FGF18: variants seen among roughly 807,000 people sequenced by gnomAD.
The protein encoded by FGF18 is fibroblast growth factor 18.
A neutral mutation model predicts 23.0 loss-of-function variants in FGF18; 5 were observed. The observed-to-expected ratio is 0.22, with a 90% CI of 0.11 to 0.46. The LOEUF (loss-of-function observed/expected upper bound fraction) is 0.46, where lower values mean the gene tolerates loss of function less well. FGF18 is among the 20% of genes least tolerant of loss of function. FGF18 has a pLI of 0.99. For synonymous variants in FGF18, 117 were observed against 118.9 expected, an observed-to-expected ratio of 0.98 and a Z score of 0.10; for missense variants, 180 against 291.6, an observed-to-expected ratio of 0.62 and a Z score of 2.79.
chr5:171,441,223 A>G (rs760789702), intron 3 of FGF18, among the ~76,000 whole-genome samples: 5 of 152,116 alleles, frequency 3.3e-5, no homozygotes, highest in African/African-American at 4.8e-5. Flanking sequence ...AGGGACCCCT[A>G]GTCTCAGAGT....
At chr5:171,445,296 C>T (rs905351141) in intron 3 of FGF18, among the ~76,000 whole-genome samples, 1 of 152,068 alleles carries the variant, frequency 6.6e-6, no homozygotes, top group Non-Finnish European at 1.5e-5. Context: ...ACATGTTCTT[C>T]TATGTGGGTT....
chr5:171,430,712 C>T (rs1345434832), intron 2 of FGF18, among the ~76,000 whole-genome samples: 1 of 138,412 alleles, frequency 7.2e-6, no homozygotes, highest in African/African-American at 3.1e-5. Flanking sequence ...GGCGTGAACC[C>T]GGGAAGCGGA....
chr5:171,433,223 G>A (rs1016987822), intron 2 of FGF18, among the ~76,000 whole-genome samples: 4 of 152,202 alleles, frequency 2.6e-5, no homozygotes, highest in Non-Finnish European at 5.9e-5. Flanking sequence ...AGTGCCACCC[G>A]ATAGCCCCTG....
chr5:171,422,671 C>T (rs891589698), intron 2 of FGF18, among the ~76,000 whole-genome samples: 1 of 152,160 alleles, frequency 6.6e-6, no homozygotes, highest in African/African-American at 2.4e-5. Context: ...GGGTAGGAGC[C>T]AAATGATGTT....
intron 3 of FGF18, among the ~76,000 whole-genome samples, chr5:171,443,420 C>T (rs1242057666): frequency 6.6e-6 from 1 of 151,806 alleles, no homozygotes; most frequent in Non-Finnish European, 1.5e-5. Flanking sequence ...CATGAGTGCC[C>T]GGCCCCACGT....
rs1771969871 is a variant in FGF18, at chr5:171,419,772, C to T, written c.-428C>T. ...GCGCCCCGACCCCGGAGCGCTGACCCCTGGCCCCACGCAGCTCCGCGCCCG... is the reference window on the plus strand; with the variant it reads ...GCGCCCCGACCCCGGAGCGCTGACCTCTGGCCCCACGCAGCTCCGCGCCCG... On this transcript the variant is annotated 5_prime_UTR_variant, in exon 1 of 5. Transcript: ENST00000274625. 1 of 151,590 alleles carries T rather than the reference C, an allele frequency of 6.6e-6. No individual in the cohort carries two copies. Among genetic ancestry groups the T allele is most frequent in the Admixed American group, 6.6e-5 (1 of 15,208 alleles). The allele number at this position is 151,590 out of a possible 1,614,324, so 9.4% of individuals were successfully genotyped here. A position where few individuals can be genotyped will look rare whatever the true frequency, so the allele number is the denominator to read the frequency against.
chr5:171,448,045 C>A (rs1331311433), intron 3 of FGF18, among the ~76,000 whole-genome samples: 1 of 152,164 alleles, frequency 6.6e-6, no homozygotes, highest in African/African-American at 2.4e-5. Context: ...CAGCAGCGTA[C>A]TGGGGAGAAA....
At chr5:171,424,186 A>G (rs1772059718) in intron 2 of FGF18, among the ~76,000 whole-genome samples, 1 of 152,178 alleles carries the variant, frequency 6.6e-6, no homozygotes, top group Non-Finnish European at 1.5e-5. Flanking sequence ...CTGGCCTCCA[A>G]GAGCTCCCAG....
Position 171,456,442 on chromosome 5 carries a change from C to G in FGF18, c.358-97C>G. ...AACTTCATTACAGTTGTCCCTACAACAATCGCAATGGTCCTGAATAAAACC... is the reference window on the plus strand; with the variant it reads ...AACTTCATTACAGTTGTCCCTACAAGAATCGCAATGGTCCTGAATAAAACC... On this transcript the variant is annotated intron_variant, in intron 4 of 4. Transcript: ENST00000274625. The surrounding 1 kb of genome is among the most constrained non-coding windows in gnomAD (Gnocchi z 6.1). 2 of 1,247,164 alleles carry G rather than the reference C, an allele frequency of 1.6e-6. No individual in the cohort carries two copies. Among genetic ancestry groups the G allele is most frequent in the Non-Finnish European group, 2.2e-6 (2 of 893,204 alleles). 77.3% of individuals were successfully genotyped at this position (1,247,164 alleles called of 1,614,324 possible). A position where few individuals can be genotyped will look rare whatever the true frequency, so the allele number is the denominator to read the frequency against.
chr5:171,421,717 G>T (rs1053973537), intron 2 of FGF18, among the ~76,000 whole-genome samples: 2 of 152,182 alleles, frequency 1.3e-5, no homozygotes, highest in African/African-American at 4.8e-5. Context: ...CTGAGCTGGG[G>T]GCATCCATTG....
intron 3 of FGF18, among the ~76,000 whole-genome samples, chr5:171,439,589 C>T (rs745435465): frequency 1.3e-5 from 2 of 152,190 alleles, no homozygotes; most frequent in Non-Finnish European, 2.9e-5. Flanking sequence ...TGCAGCTCTG[C>T]CAGGGAGCAT....
chr5:171,442,759 A>C (rs1772364246), intron 3 of FGF18, among the ~76,000 whole-genome samples: 2 of 151,272 alleles, frequency 1.3e-5, no homozygotes, highest in African/African-American at 2.4e-5. Flanking sequence ...GCTGTTTCCC[A>C]CCCTTCAAAC....
chr5:171,442,517 C>T (rs947525980), intron 3 of FGF18, among the ~76,000 whole-genome samples: 1 of 152,214 alleles, frequency 6.6e-6, no homozygotes, highest in Non-Finnish European at 1.5e-5. Flanking sequence ...CCGTCCAGCC[C>T]TCGCAGGGCC....
intron 3 of FGF18, among the ~76,000 whole-genome samples, chr5:171,441,446 G>T (rs1047511518): frequency 2.0e-5 from 3 of 152,170 alleles, no homozygotes; most frequent in Admixed American, 6.5e-5. Context: ...CGGGCATCCC[G>T]TGAACACCCA....
chr5:171,441,577 G>A (rs1772345581), intron 3 of FGF18, among the ~76,000 whole-genome samples: 1 of 152,212 alleles, frequency 6.6e-6, no homozygotes, highest in Non-Finnish European at 1.5e-5. Flanking sequence ...TTATCAGAGA[G>A]TCCCCAGCTC....
intron 2 of FGF18, among the ~76,000 whole-genome samples, chr5:171,427,770 G>A (rs1772118044): frequency 6.6e-6 from 1 of 152,232 alleles, no homozygotes; most frequent in African/African-American, 2.4e-5. Context: ...CCCATGAAGA[G>A]ATGGCACGTA....
Position 171,419,713 on chromosome 5 carries a change from C to G in FGF18, c.-487C>G, listed in dbSNP as rs1161689693. On this transcript the variant is annotated 5_prime_UTR_variant, in exon 1 of 5. Coordinates refer to ENST00000274625, the MANE Select transcript of FGF18 (RefSeq NM_003862.3). ...AGACATGAGCCGGCGGGCGCCCAGA[C>G]GGAGCGGCCGTGACGCTTTCGCGCT... is the stretch of plus-strand genomic sequence containing the variant. The G allele has an allele frequency of 6.6e-6, 1 of 151,610 alleles. No individual in the cohort carries two copies. The highest frequency in any genetic ancestry group is 1.5e-5 in the Non-Finnish European group (1 of 67,834). 9.4% of individuals were successfully genotyped at this position (151,610 alleles called of 1,614,324 possible).
chr5:171,453,294 A>G (rs368059586), intron 4 of FGF18, among the ~76,000 whole-genome samples: 3 of 152,296 alleles, frequency 2.0e-5, no homozygotes, highest in South Asian at 2.1e-4. Context: ...GGAACTTGTG[A>G]TCATCATAGC....
In FGF18 at chr5:171,451,475, C is replaced by T. The variant is rs1772507197; in HGVS notation, c.357+2222C>T. On this transcript the variant is annotated intron_variant, in intron 4 of 4. Coordinates refer to ENST00000274625, the MANE Select transcript of FGF18 (RefSeq NM_003862.3). The surrounding 1 kb of genome is among the most constrained non-coding windows in gnomAD (Gnocchi z 4.5). Reference sequence around the variant, plus strand: ...CTTAGGCCCTGGGTGTCCCCTCCTGCCCTAACCCCTGCCACCGCCTCTGTT... The same window carrying T: ...CTTAGGCCCTGGGTGTCCCCTCCTGTCCTAACCCCTGCCACCGCCTCTGTT... Among the ~76,000 whole-genome samples the T allele has an allele frequency of 6.6e-6, 1 of 152,208 alleles. No individual in the cohort carries two copies. Among genetic ancestry groups the T allele is most frequent in the African/African-American group, 2.4e-5 (1 of 41,468 alleles).
Sources: allele counts gnomAD v4.1 joint callset (sites outside exome capture counted in the v4.1 genomes callset), GRCh38; gene constraint gnomAD v4.1.1; non-coding constraint Gnocchi (gnomAD v3.1); transcripts MANE v1.5; gene names NCBI Gene and HGNC (gene_info 2026-07-23, HGNC 2026-07-21).